NDUFB2: variants seen among roughly 807,000 people sequenced by gnomAD.
NDUFB2 encodes the protein NADH dehydrogenase [ubiquinone] 1 beta subcomplex subunit 2, mitochondrial.
NDUFB2 carries 13 observed loss-of-function variants against 13.4 expected under a neutral mutation model. The observed-to-expected ratio is 0.97, with a 90% CI of 0.63 to 1.54. NDUFB2 has a LOEUF of 1.54. NDUFB2 is among the 40% of genes most tolerant of loss of function. The pLI is 0.00. For synonymous variants in NDUFB2, 47 were observed against 50.6 expected, an observed-to-expected ratio of 0.93 and a Z score of 0.30; for missense variants, 150 against 139.7, an observed-to-expected ratio of 1.07 and a Z score of -0.37.
intron 2 of NDUFB2, among the ~76,000 whole-genome samples, chr7:140,704,600 C>G (rs569833784): frequency 6.6e-6 from 1 of 152,266 alleles, no homozygotes; most frequent in East Asian, 1.9e-4. Flanking sequence ...CCCTACCCTC[C>G]CTCTATCACA....
At chr7:140,706,117 AG>A (rs1794970429) in intron 3 of NDUFB2, 1 of 114,480 alleles carries the variant, frequency 8.7e-6, no homozygotes, top group Non-Finnish European at 1.9e-5. Context: ...TATTTGAGAC[AG>A]GGTCTCATTC....
At chr7:140,697,187 T>A (rs1794822240) in intron 1 of NDUFB2, 2 of 610,518 alleles carry the variant, frequency 3.3e-6, no homozygotes, top group Middle Eastern at 3.0e-4. Flanking sequence ...GCGGCGGGTG[T>A]GGACGCTCCT....
intron 1 of NDUFB2, among the ~76,000 whole-genome samples, chr7:140,699,293 A>G (rs532363723): frequency 1.3e-5 from 2 of 152,302 alleles, no homozygotes; most frequent in South Asian, 4.1e-4. Flanking sequence ...TTTCCTTCTT[A>G]CAGGACTTGC....
intron 1 of NDUFB2, among the ~76,000 whole-genome samples, chr7:140,702,323 T>A (rs1585864765): frequency 2.0e-5 from 3 of 152,358 alleles, no homozygotes; most frequent in African/African-American, 7.2e-5. Context: ...ACTTGTCAAG[T>A]GTCTGAATGA....
chr7:140,698,349 A>G (rs4727053), intron 1 of NDUFB2: 135,444 of 1,334,182 alleles, frequency 0.1, 12,581 homozygotes, highest in African/African-American at 0.46. Context: ...CATCTTCTAT[A>G]TGGCTGCTCC....
chr7:140,697,092 C>T, intron 1 of NDUFB2: 1 of 587,722 alleles, frequency 1.7e-6, no homozygotes, highest in South Asian at 2.0e-5. Flanking sequence ...GGGCCGCCTG[C>T]CCTCGGGAGA....
chr7:140,698,264 C>A, intron 1 of NDUFB2: 1 of 1,351,444 alleles, frequency 7.4e-7, no homozygotes. Context: ...CCGATCTTCC[C>A]TGAGGTGCTG....
chr7:140,696,898 C>T lies in NDUFB2; in HGVS notation c.98+56C>T, dbSNP rs372605504. On this transcript the variant is annotated intron_variant, in intron 1 of 3. Transcript: ENST00000247866. ...CCGGCCTGTAGCGGACAGCGCGGGT[C>T]CCTGGGACGCTCTCACCTTGACTGG... 5 of 1,494,554 alleles carry T rather than the reference C, an allele frequency of 3.3e-6. 1 individual carries two copies. Among genetic ancestry groups the T allele is most frequent in the South Asian group, 2.4e-5 (2 of 83,656 alleles). The allele number at this position is 1,494,554 out of a possible 1,614,324, so 92.6% of individuals were successfully genotyped here.
Position 140,696,852 on chromosome 7 carries a change from G to C in NDUFB2, c.98+10G>C, listed in dbSNP as rs186506576. Reference sequence around the variant, plus strand: ...ATGGTGGAGTCCGTCAGTGAGTGTGGGGCTGGGGATGGGGGCCTCGCCGGC... The same window carrying C: ...ATGGTGGAGTCCGTCAGTGAGTGTGCGGCTGGGGATGGGGGCCTCGCCGGC... On this transcript the variant is annotated intron_variant, in intron 1 of 3. Transcript: ENST00000247866. The C allele has an allele frequency of 6.3e-7, 1 of 1,597,228 alleles. No individual in the cohort carries two copies. The highest frequency in any genetic ancestry group is 8.5e-7 in the Non-Finnish European group (1 of 1,172,274).
At chr7:140,703,794 C>G (rs1400946130) in intron 2 of NDUFB2, among the ~76,000 whole-genome samples, 1 of 152,066 alleles carries the variant, frequency 6.6e-6, no homozygotes, top group African/African-American at 2.4e-5. Flanking sequence ...CTCACTCTGT[C>G]ACCCAGGCTG....
intron 3 of NDUFB2, chr7:140,706,031 T>TATGTTA (rs1554492454): frequency 3.5e-5 from 5 of 142,224 alleles, no homozygotes; most frequent in African/African-American, 1.2e-4. Flanking sequence ...TTATTTTAGT[T>TATGTTA]TGTTATGTTA....
chr7:140,701,285 T>C (rs114244347), intron 1 of NDUFB2, among the ~76,000 whole-genome samples: 1 of 152,210 alleles, frequency 6.6e-6, no homozygotes, highest in Non-Finnish European at 1.5e-5. Context: ...TCATTAATAA[T>C]TACAGGCCTT....
chr7:140,702,047 TC>T, intron 1 of NDUFB2: 1 of 702,592 alleles, frequency 1.4e-6, no homozygotes, highest in Non-Finnish European at 2.6e-6. Context: ...AATGCACTTT[TC>T]CTACAGGTAC....
At chr7:140,702,662 G>C in intron 1 of NDUFB2, 1 of 526,352 alleles carries the variant, frequency 1.9e-6, no homozygotes. Context: ...TTAGCCTCTT[G>C]TCAGTTTTGG....
In NDUFB2 at chr7:140,696,727, G is replaced by A. The variant is rs1028782085; in HGVS notation, c.-18G>A. On this transcript the variant is annotated 5_prime_UTR_variant, in exon 1 of 4. Coordinates refer to ENST00000247866, the MANE Select transcript of NDUFB2 (RefSeq NM_004546.3). ...AGGGGCGAGGCGGCTGGGGACCGCG[G>A]GGCGGACGGGAGCGAGTATGTCCGC... 3.8e-6 allele frequency: 6 copies of A among 1,571,380 alleles called. No individual in the cohort carries two copies. The highest frequency in any genetic ancestry group is 1.9e-5 in the Admixed American group (1 of 53,848).
rs749524132 is a variant in NDUFB2, at chr7:140,702,883, A to C, written c.116A>C (p.His39Pro). 1.1e-5 allele frequency: 18 copies of C among 1,613,996 alleles called. No homozygotes were observed. In the South Asian group the frequency reaches 1.9e-4, roughly 17 times the overall value. The change falls in exon 2 of 4, where the codon CAC becomes CCC. Residue 39 changes from histidine (H) to proline (P), a missense_variant. His to Pro is a moderately conservative substitution (Grantham distance 77). Coordinates refer to ENST00000247866, the MANE Select transcript of NDUFB2 (RefSeq NM_004546.3). ...GGVRHAGGGV[H>P]IEPRYRQFPQ... ...TCTTGCAGTGCCGGTGGTGGTGTGC[A>C]CATTGAGCCCCGGTATAGACAGTTC...
chr7:140,697,144 G>A (rs904699218), intron 1 of NDUFB2: 2 of 591,016 alleles, frequency 3.4e-6, no homozygotes, highest in Non-Finnish European at 6.0e-6. Flanking sequence ...GTCGGCGCCG[G>A]CGCGGGCGGT....
At chr7:140,701,770 TA>T (rs111296452) in intron 1 of NDUFB2, 544 of 258,698 alleles carry the variant, frequency 2.1e-3, no homozygotes, top group South Asian at 3.4e-3. Context: ...CCGTCTCTAC[TA>T]AAAAAAAAAC....
chr7:140,697,786 C>T (rs1490718686), intron 1 of NDUFB2, among the ~76,000 whole-genome samples: 2 of 152,150 alleles, frequency 1.3e-5, no homozygotes, highest in Non-Finnish European at 2.9e-5. Flanking sequence ...TTTCCTCACC[C>T]ATTTGGCGTC....
Sources: gnomAD v4.1 joint callset for allele counts (sites outside exome capture counted in the v4.1 genomes callset) on GRCh38, gnomAD v4.1.1 for gene constraint, MANE v1.5 for transcripts, NCBI Gene and HGNC (gene_info 2026-07-23, HGNC 2026-07-21) for gene names.